PAPSS1: variants seen among roughly 807,000 people sequenced by gnomAD.
PAPSS1 encodes the protein bifunctional 3'-phosphoadenosine 5'-phosphosulfate synthase 1.
Under a neutral mutation model 72.0 loss-of-function variants are expected in PAPSS1, and 50 were observed. The ratio of observed to expected loss-of-function variants is 0.69; its 90% CI spans 0.55 to 0.88. PAPSS1 has a LOEUF of 0.88. Ranked by LOEUF, PAPSS1 falls within the 40% of genes least tolerant of loss-of-function variation. The pLI is 0.00. For missense variants in PAPSS1, 657 were observed against 782.2 expected (o/e 0.84, Z 1.91); for synonymous variants, 261 against 263.6 (o/e 0.99, Z 0.09).
At position 107,614,000 on chromosome 4, in the gene PAPSS1, G is replaced by T; in HGVS notation, c.*249C>A. The T allele has an allele frequency of 7.3e-6, 2 of 273,364 alleles. No homozygotes were observed. Among genetic ancestry groups the T allele is most frequent in the Non-Finnish European group, 6.8e-6 (1 of 147,842 alleles). 16.9% of individuals were successfully genotyped at this position (273,364 alleles called of 1,614,324 possible). A position where few individuals can be genotyped will look rare whatever the true frequency, so the allele number is the denominator to read the frequency against. On this transcript the variant is annotated 3_prime_UTR_variant, in exon 12 of 12. Transcript: ENST00000265174. ...CAGAAGCATAAATATAATATAAAAAGACAATTTTAAAATTGTATTGTAGGA... is the reference window on the plus strand; with the variant it reads ...CAGAAGCATAAATATAATATAAAAATACAATTTTAAAATTGTATTGTAGGA...
chr4:107,658,619 A>G (rs1408729506), intron 6 of PAPSS1, among the ~76,000 whole-genome samples: 1 of 152,214 alleles, frequency 6.6e-6, no homozygotes, highest in Non-Finnish European at 1.5e-5. Context: ...GGAGTACAGT[A>G]AAATGCAGCC....
chr4:107,662,029 T>A (rs1007320535), intron 5 of PAPSS1, among the ~76,000 whole-genome samples: 2 of 152,140 alleles, frequency 1.3e-5, no homozygotes, highest in African/African-American at 2.4e-5. Flanking sequence ...TACTGGTAAA[T>A]TCAAAGTCTC....
In PAPSS1 at chr4:107,634,604, A is replaced by G. The variant is rs568920605; in HGVS notation, c.1507-2744T>C. On this transcript the variant is annotated intron_variant, in intron 10 of 11. Coordinates refer to ENST00000265174, the MANE Select transcript of PAPSS1 (RefSeq NM_005443.5). Reference sequence around the variant, plus strand: ...ATTTAAAATAAACCCAAAGAAATACATTTCTTAAAATGTAGCTCATATTTT... The same window carrying G: ...ATTTAAAATAAACCCAAAGAAATACGTTTCTTAAAATGTAGCTCATATTTT... Among the ~76,000 whole-genome samples the G allele has an allele frequency of 7.2e-5, 11 of 152,242 alleles. No homozygotes were observed. The East Asian group carries it at 1.7e-3, about 24-fold the overall frequency.
chr4:107,667,103 T>C (rs369726414), intron 5 of PAPSS1, among the ~76,000 whole-genome samples: 1 of 152,110 alleles, frequency 6.6e-6, no homozygotes, highest in South Asian at 2.1e-4. Context: ...CAGAAAGGCA[T>C]TAGAGAGATT....
intron 7 of PAPSS1, 130 bp downstream of exon 7, chr4:107,656,766 A>G: frequency 1.5e-6 from 1 of 663,974 alleles, no homozygotes; most frequent in Admixed American, 2.6e-5. Flanking sequence ...CGGTACTGAT[A>G]TAACTTAGTC....
At chr4:107,690,429 G>A (rs938312344) in intron 3 of PAPSS1, among the ~76,000 whole-genome samples, 9 of 152,076 alleles carry the variant, frequency 5.9e-5, no homozygotes, top group African/African-American at 2.2e-4. Context: ...CATCCTTCAT[G>A]ACTCATTTCA....
intron 7 of PAPSS1, among the ~76,000 whole-genome samples, chr4:107,655,192 A>G (rs916397705): frequency 2.0e-5 from 3 of 152,172 alleles, no homozygotes; most frequent in Non-Finnish European, 2.9e-5. Flanking sequence ...AAGTAAAACA[A>G]ACTGTTTAAC....
At chr4:107,695,460 T>C (rs1159614312) in intron 2 of PAPSS1, among the ~76,000 whole-genome samples, 2 of 152,198 alleles carry the variant, frequency 1.3e-5, no homozygotes, top group African/African-American at 4.8e-5. Flanking sequence ...ACTTCCTTTC[T>C]TTCTATTTGA....
intron 11 of PAPSS1, among the ~76,000 whole-genome samples, chr4:107,622,467 C>T (rs1725990699): frequency 6.6e-6 from 1 of 152,182 alleles, no homozygotes; most frequent in Non-Finnish European, 1.5e-5. Flanking sequence ...AAAAAAATCA[C>T]TTTTATTTTA....
intron 11 of PAPSS1, among the ~76,000 whole-genome samples, chr4:107,621,260 A>C (rs1283905912): frequency 6.6e-6 from 1 of 152,208 alleles, no homozygotes; most frequent in African/African-American, 2.4e-5. Context: ...ACAAAGAGCC[A>C]TTAAAATGAT....
intron 11 of PAPSS1, among the ~76,000 whole-genome samples, chr4:107,626,716 C>T (rs1422556002): frequency 2.0e-5 from 3 of 152,148 alleles, no homozygotes; most frequent in Non-Finnish European, 4.4e-5. Context: ...CGCTGAGTAA[C>T]ATCCATTAAT....
chr4:107,665,972 T>C (rs931987551), intron 5 of PAPSS1, among the ~76,000 whole-genome samples: 1 of 152,232 alleles, frequency 6.6e-6, no homozygotes, highest in Non-Finnish European at 1.5e-5. Context: ...ATACTTTCTG[T>C]ACTTTTTTCT....
At chr4:107,674,728 A>G (rs896055457) in intron 5 of PAPSS1, among the ~76,000 whole-genome samples, 9 of 151,984 alleles carry the variant, frequency 5.9e-5, no homozygotes, top group Admixed American at 5.9e-4. Flanking sequence ...AACAGAATAT[A>G]CATTATTCTC....
At chr4:107,683,887 G>T (rs72885208) in intron 4 of PAPSS1, among the ~76,000 whole-genome samples, 3,837 of 151,884 alleles carry the variant, frequency 0.025, 149 homozygotes, top group African/African-American at 0.088. Context: ...ACAAGTAAAA[G>T]CTTTTTAAAA....
At position 107,671,313 on chromosome 4, in the gene PAPSS1, A is replaced by C. The variant is rs374746164; in HGVS notation, c.669+10702T>G. 3.9e-5 allele frequency among the ~76,000 whole-genome samples: 6 copies of C among 152,104 alleles called. No individual in the cohort carries two copies. The East Asian group carries it at 7.7e-4, about 20-fold the overall frequency. On this transcript the variant is annotated intron_variant, in intron 5 of 11. Transcript: ENST00000265174. ...TTATCTTCCTCCCTGAAGAAAAAAA[A>C]AGAGCCTACACGTAGGAAAAGTGTC...
chr4:107,702,888 G>A (rs749821349), intron 1 of PAPSS1, among the ~76,000 whole-genome samples: 1 of 152,122 alleles, frequency 6.6e-6, no homozygotes, highest in Non-Finnish European at 1.5e-5. Flanking sequence ...TGGGATTGCT[G>A]GATCATATGG....
intron 6 of PAPSS1, 56 bp from the exon 7 acceptor site, chr4:107,657,063 G>A (rs761686059): frequency 1.0e-5 from 11 of 1,055,514 alleles, no homozygotes; most frequent in Non-Finnish European, 1.5e-5. Context: ...ATGAGCAAAA[G>A]CAGTGATGAC....
At chr4:107,654,252 A>G (rs1726934941) in intron 8 of PAPSS1, among the ~76,000 whole-genome samples, 1 of 152,192 alleles carries the variant, frequency 6.6e-6, no homozygotes, top group African/African-American at 2.4e-5. Flanking sequence ...AACATTCCAC[A>G]TACAACATAT....
chr4:107,671,560 G>A (rs1016175207), intron 5 of PAPSS1, among the ~76,000 whole-genome samples: 4 of 151,920 alleles, frequency 2.6e-5, no homozygotes, highest in Non-Finnish European at 2.9e-5. Context: ...ATTTTTCTGA[G>A]ATCTTATAAA....
Sources: gnomAD v4.1 joint callset for allele counts (sites outside exome capture counted in the v4.1 genomes callset) on GRCh38, gnomAD v4.1.1 for gene constraint, MANE v1.5 for transcripts, NCBI Gene and HGNC (gene_info 2026-07-23, HGNC 2026-07-21) for gene names.